Variants in PRKN observed in about 807,000 individuals in gnomAD.
PRKN encodes the protein parkin RBR E3 ubiquitin protein ligase, also known as E3 ubiquitin-protein ligase parkin.
PRKN carries 56 observed loss-of-function variants against 59.5 expected under a neutral mutation model. That is an observed-to-expected ratio of 0.94 (90% CI 0.76 to 1.18). PRKN has a LOEUF of 1.18. Ranked by LOEUF, PRKN falls within the 50% of genes most tolerant of loss-of-function variation. The probability of loss-of-function intolerance (pLI) is 0.00; values close to 1 mark genes in which losing one functional copy is unlikely to be tolerated. For synonymous variants in PRKN, 250 were observed against 222.1 expected (o/e 1.13, Z -1.12); for missense variants, 657 against 596.4 (o/e 1.10, Z -1.06).
rs60391138 is a variant in PRKN at position 162,560,853 on chromosome 6, C to CAAAAAAAAAAAAAAAAA, written c.8-117381_8-117380insTTTTTTTTTTTTTTTTT. On this transcript the variant is annotated intron_variant, in intron 1 of 11. Transcript: ENST00000366898. ...CAATTAAAGCCCAGAGAGAGAGAGG[C>CAAAAAAAAAAAAAAAAA]AAAAAAAAAAAAAACCCAGGTCATT... Among the ~76,000 whole-genome samples the CAAAAAAAAAAAAAAAAA allele has an allele frequency of 7.1e-5, 4 of 56,506 alleles. 1 individual carries two copies. The highest frequency in any genetic ancestry group is 9.2e-5 in the Non-Finnish European group (3 of 32,688). 37.1% of individuals were successfully genotyped at this position (56,506 alleles called of 152,430 possible).
At chr6:162,479,919 G>A (rs777183484) in intron 1 of PRKN, among the ~76,000 whole-genome samples, 3 of 151,888 alleles carry the variant, frequency 2.0e-5, no homozygotes, top group Non-Finnish European at 2.9e-5. Context: ...ACAAAAATTC[G>A]CTGGGCGTGG....
intron 7 of PRKN, among the ~76,000 whole-genome samples, chr6:161,627,212 A>G (rs763591093): frequency 6.6e-6 from 1 of 152,246 alleles, no homozygotes; most frequent in Admixed American, 6.5e-5. Context: ...TCATGCTAAG[A>G]TGATCTTACC....
At chr6:161,999,629 A>T (rs1781974624) in intron 5 of PRKN, among the ~76,000 whole-genome samples, 1 of 152,136 alleles carries the variant, frequency 6.6e-6, no homozygotes, top group Non-Finnish European at 1.5e-5. Flanking sequence ...GCAAGAGGTG[A>T]GGAGTGATTG....
intron 7 of PRKN, among the ~76,000 whole-genome samples, chr6:161,731,709 G>C (rs1178245494): frequency 6.6e-6 from 1 of 151,604 alleles, no homozygotes; most frequent in Non-Finnish European, 1.5e-5. Flanking sequence ...ACTCTATAAA[G>C]ATAAACAGAG....
chr6:162,200,922 GTGTAATC>G, intron 4 of PRKN, among the ~76,000 whole-genome samples: 1 of 152,162 alleles, frequency 6.6e-6, no homozygotes, highest in Non-Finnish European at 1.5e-5. Flanking sequence ...AAACAACCCT[GTGTAATC>G]TAAACTTTCA....
In PRKN at chr6:161,378,587, A is replaced by G. The variant is rs1400889979; in HGVS notation, c.1167+8207T>C. Among the ~76,000 whole-genome samples the G allele has an allele frequency of 6.6e-6, 1 of 152,148 alleles. No homozygotes were observed. Among genetic ancestry groups the G allele is most frequent in the Non-Finnish European group, 1.5e-5 (1 of 68,022 alleles). Reference sequence around the variant, plus strand: ...TGGCAACAGAGCCTCAGCCAGCACTAGCATCTGCAGGCTGCCGGCACCCTG... The same window carrying G: ...TGGCAACAGAGCCTCAGCCAGCACTGGCATCTGCAGGCTGCCGGCACCCTG... On this transcript the variant is annotated intron_variant, in intron 10 of 11. Transcript: ENST00000366898. This position sits in a 1 kb window ranked among gnomAD's most constrained non-coding sequence, Gnocchi z 7.3.
Position 162,200,996 on chromosome 6 carries a change from T to G in PRKN, c.534+135A>C, listed in dbSNP as rs566767955. The G allele has an allele frequency of 4.0e-6, 4 of 1,009,672 alleles. No individual in the cohort carries two copies. The Admixed American group carries it at 5.7e-5, about 14-fold the overall frequency. The allele number at this position is 1,009,672 out of a possible 1,614,324, so 62.5% of individuals were successfully genotyped here. ...GCATAAACGAAACTTCGGCTATCAT[T>G]AACTATCACAACCACAGAAGAGAAT... On this transcript the variant is annotated intron_variant, in intron 4 of 11. Transcript: ENST00000366898.
intron 4 of PRKN, among the ~76,000 whole-genome samples, chr6:162,106,703 C>T (rs1202823964): frequency 6.6e-6 from 1 of 152,160 alleles, no homozygotes; most frequent in African/African-American, 2.4e-5. Flanking sequence ...AAAGGAAAAC[C>T]ATTCACATTC....
intron 2 of PRKN, among the ~76,000 whole-genome samples, chr6:162,347,969 G>C (rs1327663928): frequency 6.6e-6 from 1 of 152,210 alleles, no homozygotes; most frequent in Non-Finnish European, 1.5e-5. Flanking sequence ...ATAAAGCTGA[G>C]AGTTGAGGGA....
chr6:162,108,736 T>G (rs1330796620), intron 4 of PRKN, among the ~76,000 whole-genome samples: 1 of 152,170 alleles, frequency 6.6e-6, no homozygotes, highest in Non-Finnish European at 1.5e-5. Context: ...AGGATTTTCC[T>G]GCATTCACCG....
chr6:161,511,277 A>T (rs1300411854), intron 9 of PRKN, among the ~76,000 whole-genome samples: 1 of 152,210 alleles, frequency 6.6e-6, no homozygotes, highest in African/African-American at 2.4e-5. Context: ...TGTAAGTTTA[A>T]AAAATAGAGG....
At chr6:162,402,789 A>G (rs1787864915) in intron 2 of PRKN, among the ~76,000 whole-genome samples, 1 of 151,740 alleles carries the variant, frequency 6.6e-6, no homozygotes, top group African/African-American at 2.4e-5. Context: ...CAGCCTCCTT[A>G]GTAGCTAGAA....
chr6:162,315,728 A>C (rs1235566272), intron 2 of PRKN, among the ~76,000 whole-genome samples: 1 of 152,188 alleles, frequency 6.6e-6, no homozygotes, highest in Non-Finnish European at 1.5e-5. Context: ...GAAATGGCTT[A>C]AAAATAGAAG....
rs34716532 is a variant in PRKN at position 162,492,956 on chromosome 6, CAAAAAAAAAAAAAAAAA to C, written c.8-49500_8-49484del. Among the ~76,000 whole-genome samples the C allele has an allele frequency of 7.3e-5, 8 of 110,324 alleles. No individual in the cohort carries two copies. In the South Asian group the frequency reaches 2.5e-3, roughly 34 times the overall value. 72.4% of individuals were successfully genotyped at this position (110,324 alleles called of 152,430 possible). On this transcript the variant is annotated intron_variant, in intron 1 of 11. Coordinates refer to ENST00000366898, the MANE Select transcript of PRKN (RefSeq NM_004562.3). Reference sequence around the variant, plus strand: ...CAACAGAGCGAGACTTTGTCTCAAACAAAAAAAAAAAAAAAAAAAAAGAAGCAGAAGAACATGTCTCA... The same window carrying C: ...CAACAGAGCGAGACTTTGTCTCAAACAAAAGAAGCAGAAGAACATGTCTCA...
rs1386288629 is a variant in PRKN at position 161,377,566 on chromosome 6, A to T, written c.1167+9228T>A. Among the ~76,000 whole-genome samples, 1 of 152,232 alleles carries T rather than the reference A, an allele frequency of 6.6e-6. No individual in the cohort carries two copies. Among genetic ancestry groups the T allele is most frequent in the African/African-American group, 2.4e-5 (1 of 41,484 alleles). On this transcript the variant is annotated intron_variant, in intron 10 of 11. Transcript: ENST00000366898. The surrounding 1 kb of genome is among the most constrained non-coding windows in gnomAD (Gnocchi z 4.2). ...GTGGTGAGGGGAGACCCTGTCAATA[A>T]GCAGAGCCTTGGGCAACGCAACTGC...
At position 161,648,893 on chromosome 6, in the gene PRKN, G is replaced by A. The variant is rs144415853; in HGVS notation, c.872-79477C>T. Among the ~76,000 whole-genome samples the A allele has an allele frequency of 2.7e-4, 41 of 152,270 alleles. 1 individual carries two copies. The East Asian group carries it at 6.8e-3, about 25-fold the overall frequency. On this transcript the variant is annotated intron_variant, in intron 7 of 11. Coordinates refer to ENST00000366898, the MANE Select transcript of PRKN (RefSeq NM_004562.3). ...AGTATGCAGAGCTATCAAGGGCAAC[G>A]TCTCTTAGGAATAAAGCAATTAATT...
intron 6 of PRKN, among the ~76,000 whole-genome samples, chr6:161,788,388 C>T (rs1453328558): frequency 1.3e-5 from 2 of 152,122 alleles, no homozygotes; most frequent in African/African-American, 4.8e-5. Context: ...AAGTGCACAC[C>T]TTCCAATATA....
chr6:161,835,076 T>G (rs927763658), intron 6 of PRKN, among the ~76,000 whole-genome samples: 1 of 152,204 alleles, frequency 6.6e-6, no homozygotes, highest in Admixed American at 6.5e-5. Flanking sequence ...CTGATTTCAC[T>G]AATTCTTTCT....
At chr6:161,540,285 A>C (rs2115407296) in intron 9 of PRKN, among the ~76,000 whole-genome samples, 1 of 152,350 alleles carries the variant, frequency 6.6e-6, no homozygotes, top group South Asian at 2.1e-4. Context: ...TATTTTATTT[A>C]TCATTATATA....
Sources: allele counts gnomAD v4.1 joint callset (sites outside exome capture counted in the v4.1 genomes callset), GRCh38; gene constraint gnomAD v4.1.1; non-coding constraint Gnocchi (gnomAD v3.1); transcripts MANE v1.5; gene names NCBI Gene and HGNC (gene_info 2026-07-23, HGNC 2026-07-21).